Variants in NRXN3 observed in about 807,000 individuals in gnomAD.
The protein encoded by NRXN3 is neurexin III.
A neutral mutation model predicts 137.6 loss-of-function variants in NRXN3; 32 were observed. The observed-to-expected ratio is 0.23, with a 90% CI of 0.18 to 0.31. The LOEUF (loss-of-function observed/expected upper bound fraction) is 0.31. NRXN3 is among the 10% of genes least tolerant of loss of function. The pLI, the probability that NRXN3 is intolerant of heterozygous loss-of-function variation, is 1.00. For synonymous variants in NRXN3, 798 were observed against 784.5 expected, an observed-to-expected ratio of 1.02 and a Z score of -0.29; for missense variants, 1,574 against 2,062.5, an observed-to-expected ratio of 0.76 and a Z score of 4.59.
chr14:79,693,451 T>G (rs985972868), intron 18 of NRXN3, among the ~76,000 whole-genome samples: 7 of 151,912 alleles, frequency 4.6e-5, no homozygotes, highest in African/African-American at 1.7e-4. Context: ...AAAAAGCAAA[T>G]AATTTTGTTT....
intron 6 of NRXN3, among the ~76,000 whole-genome samples, chr14:78,681,111 T>G (rs527970658): frequency 6.6e-6 from 1 of 152,334 alleles, no homozygotes; most frequent in East Asian, 1.9e-4. Context: ...CAAATCTTTC[T>G]GGAAAGCTCA....
At chr14:78,336,053 G>A (rs2048579749) in intron 4 of NRXN3, among the ~76,000 whole-genome samples, 1 of 152,186 alleles carries the variant, frequency 6.6e-6, no homozygotes. Context: ...CACTGGAGAA[G>A]CAAGTTAAAC....
rs187791594 is a variant in NRXN3 at position 79,095,538 on chromosome 14, A to G, written c.3262+107397A>G. 1.0e-4 allele frequency among the ~76,000 whole-genome samples: 14 copies of G among 134,600 alleles called. No homozygotes were observed. In the East Asian group the frequency reaches 2.9e-3, roughly 28 times the overall value. 88.3% of individuals were successfully genotyped at this position (134,600 alleles called of 152,430 possible). On this transcript the variant is annotated intron_variant, in intron 15 of 20. Coordinates refer to ENST00000335750, the MANE Select transcript of NRXN3 (RefSeq NM_001330195.2). Reference sequence around the variant, plus strand: ...TTTATTCATCTCTGAATGCAATAACATATTTACAGAGCACCTACTATTTTT... The same window carrying G: ...TTTATTCATCTCTGAATGCAATAACGTATTTACAGAGCACCTACTATTTTT...
chr14:78,254,844 CTTTCTTTTCTTTTT>C (rs1383301275), intron 2 of NRXN3, among the ~76,000 whole-genome samples: 1 of 151,874 alleles, frequency 6.6e-6, no homozygotes, highest in Non-Finnish European at 1.5e-5. Context: ...CTTTTCTTTT[CTTTCTTTTCTTTTT>C]TTTAAAAGAT....
intron 15 of NRXN3, among the ~76,000 whole-genome samples, chr14:79,242,205 C>T (rs1306749980): frequency 1.3e-5 from 2 of 152,108 alleles, no homozygotes; most frequent in African/African-American, 4.8e-5. Context: ...GATTCAAGCC[C>T]AGGTCTATCT....
intron 6 of NRXN3, among the ~76,000 whole-genome samples, chr14:78,673,533 TGTCTCC>T (rs1309302078): frequency 2.0e-5 from 3 of 152,216 alleles, no homozygotes; most frequent in African/African-American, 7.2e-5. Context: ...GATTCCCAGA[TGTCTCC>T]GTCAGTTCAG....
chr14:78,311,126 C>T (rs1383028874), intron 4 of NRXN3, among the ~76,000 whole-genome samples: 1 of 152,100 alleles, frequency 6.6e-6, no homozygotes, highest in Non-Finnish European at 1.5e-5. Context: ...GGTGAAAGTG[C>T]TGTGCAAATT....
intron 4 of NRXN3, among the ~76,000 whole-genome samples, chr14:78,571,378 C>G (rs756695991): frequency 2.6e-5 from 4 of 152,104 alleles, no homozygotes; most frequent in Non-Finnish European, 5.9e-5. Flanking sequence ...AGTTTCTCTT[C>G]AAACTCAGAA....
rs565807661 is a variant in NRXN3, at chr14:79,779,340, C to T, written c.4015-25772C>T. On this transcript the variant is annotated intron_variant, in intron 19 of 20. Transcript: ENST00000335750. ...GTTGGTCAGGCTGGTCTCGAACTCC[C>T]GACCTCAGGTGATCCGCCCACCTCG... Among the ~76,000 whole-genome samples, 18 of 152,060 alleles carry T rather than the reference C, an allele frequency of 1.2e-4. No individual in the cohort carries two copies. In the East Asian group the frequency reaches 2.7e-3, roughly 23 times the overall value.
intron 16 of NRXN3, among the ~76,000 whole-genome samples, chr14:79,566,721 CTTTA>C (rs2097553856): frequency 6.6e-6 from 1 of 152,086 alleles, no homozygotes; most frequent in Non-Finnish European, 1.5e-5. Flanking sequence ...AATATTTTAA[CTTTA>C]TTTATTTTTA....
intron 19 of NRXN3, among the ~76,000 whole-genome samples, chr14:79,741,594 C>T (rs549037687): frequency 2.4e-4 from 36 of 152,214 alleles, no homozygotes; most frequent in Admixed American, 1.3e-3. Context: ...AAGTGACTCT[C>T]ATGCCTCAGC....
intron 15 of NRXN3, among the ~76,000 whole-genome samples, chr14:79,361,177 G>A (rs561218334): frequency 2.0e-5 from 3 of 152,168 alleles, no homozygotes; most frequent in Admixed American, 6.5e-5. Flanking sequence ...GAAAGGAGCC[G>A]TTTACTCTCT....
chr14:78,764,893 C>G (rs965607363), intron 8 of NRXN3, among the ~76,000 whole-genome samples: 2 of 152,178 alleles, frequency 1.3e-5, no homozygotes, highest in African/African-American at 2.4e-5. Flanking sequence ...CCAACCTCCC[C>G]AGCCTCACTC....
At chr14:78,984,858 T>C (rs1040687579) in intron 14 of NRXN3, among the ~76,000 whole-genome samples, 2 of 152,182 alleles carry the variant, frequency 1.3e-5, no homozygotes, top group Admixed American at 1.3e-4. Flanking sequence ...GAAATGAGAC[T>C]GGAGAAGGAG....
intron 4 of NRXN3, among the ~76,000 whole-genome samples, chr14:78,298,942 A>G (rs941235876): frequency 3.3e-5 from 5 of 152,232 alleles, no homozygotes; most frequent in Non-Finnish European, 7.3e-5. Context: ...AAACGGCAGT[A>G]TCATCAAATC....
At chr14:79,430,502 C>T (rs1319716080) in intron 15 of NRXN3, among the ~76,000 whole-genome samples, 2 of 152,320 alleles carry the variant, frequency 1.3e-5, no homozygotes, top group South Asian at 4.1e-4. Context: ...AAAGTTTGGC[C>T]TGCAGCTTTG....
chr14:79,213,402 A>C (rs1318624193), intron 15 of NRXN3, among the ~76,000 whole-genome samples: 2 of 152,206 alleles, frequency 1.3e-5, no homozygotes, highest in African/African-American at 4.8e-5. Flanking sequence ...TCATGAAATC[A>C]ACATAAATTT....
chr14:78,912,391 C>T lies in NRXN3; in HGVS notation c.2276-44851C>T, dbSNP rs116819317. ...CTTACTGTCAGTTAGAAAAAGCTAT[C>T]CCAGTTATTCAAGAGAAACACAGTA... On this transcript the variant is annotated intron_variant, in intron 10 of 20. Coordinates refer to ENST00000335750, the MANE Select transcript of NRXN3 (RefSeq NM_001330195.2). 3.9e-3 allele frequency among the ~76,000 whole-genome samples: 587 copies of T among 151,548 alleles called. 2 individuals are homozygous for T. The highest frequency in any genetic ancestry group is 0.013 in the African/African-American group (536 of 41,328).
intron 8 of NRXN3, among the ~76,000 whole-genome samples, chr14:78,781,154 C>G (rs2098767884): frequency 6.6e-6 from 1 of 152,060 alleles, no homozygotes; most frequent in Admixed American, 6.5e-5. Context: ...GTGAAAAAAG[C>G]AAATTACTGA....
Sources: gnomAD v4.1 joint callset for allele counts (sites outside exome capture counted in the v4.1 genomes callset) on GRCh38, gnomAD v4.1.1 for gene constraint, MANE v1.5 for transcripts, NCBI Gene and HGNC (gene_info 2026-07-23, HGNC 2026-07-21) for gene names.